The following TRPC4 variants were observed in gnomAD, a reference collection of about 807,000 sequenced individuals.
TRPC4 encodes short transient receptor potential channel 4.
TRPC4 carries 49 observed loss-of-function variants against 99.4 expected under a neutral mutation model. That is an observed-to-expected ratio of 0.49 (90% CI 0.39 to 0.63). The LOEUF (loss-of-function observed/expected upper bound fraction) is 0.63, where lower values mean the gene tolerates loss of function less well. Among genes scored for constraint, TRPC4 ranks in the 20% least tolerant of loss-of-function variants. The pLI, the probability that TRPC4 is intolerant of heterozygous loss-of-function variation, is 0.00. For missense variants in TRPC4, 898 were observed against 1,152.9 expected, an observed-to-expected ratio of 0.78 and a Z score of 3.20; for synonymous variants, 454 against 425.9, an observed-to-expected ratio of 1.07 and a Z score of -0.81.
At chr13:37,796,463 C>G (rs925784125) in intron 1 of TRPC4, among the ~76,000 whole-genome samples, 3 of 152,104 alleles carry the variant, frequency 2.0e-5, no homozygotes, top group Non-Finnish European at 4.4e-5. Context: ...TATTCTGTTA[C>G]TGAATGGCCA....
intron 2 of TRPC4, among the ~76,000 whole-genome samples, chr13:37,756,232 G>T (rs1228391569): frequency 1.3e-5 from 2 of 151,878 alleles, no homozygotes; most frequent in Non-Finnish European, 1.5e-5. Context: ...AAAGCAAGTG[G>T]TTGTCATATG....
At chr13:37,802,862 C>T (rs1566182086) in intron 1 of TRPC4, among the ~76,000 whole-genome samples, 1 of 152,036 alleles carries the variant, frequency 6.6e-6, no homozygotes, top group Non-Finnish European at 1.5e-5. Context: ...GGGATCTTGC[C>T]TGCAGCATTT....
chr13:37,857,628 C>A (rs1282441412), intron 1 of TRPC4, among the ~76,000 whole-genome samples: 1 of 151,508 alleles, frequency 6.6e-6, no homozygotes, highest in Non-Finnish European at 1.5e-5. Flanking sequence ...CCACAGTGAA[C>A]TAATTTCTAA....
chr13:37,814,203 AAC>A (rs1321379113), intron 1 of TRPC4, among the ~76,000 whole-genome samples: 1 of 151,816 alleles, frequency 6.6e-6, no homozygotes, highest in Non-Finnish European at 1.5e-5. Flanking sequence ...CATCTAGGAA[AAC>A]ACACAGCTAA....
chr13:37,868,768 C>T (rs1346132716), intron 1 of TRPC4, among the ~76,000 whole-genome samples: 2 of 152,048 alleles, frequency 1.3e-5, no homozygotes, highest in Admixed American at 6.6e-5. Context: ...TCTAAGAAGC[C>T]ATGTGAACAG....
At chr13:37,759,478 T>C (rs1593677194) in intron 2 of TRPC4, among the ~76,000 whole-genome samples, 1 of 151,588 alleles carries the variant, frequency 6.6e-6, no homozygotes, top group Non-Finnish European at 1.5e-5. Context: ...TAAACTACAA[T>C]AAAATGCATT....
At chr13:37,832,453 C>G (rs1410243994) in intron 1 of TRPC4, among the ~76,000 whole-genome samples, 1 of 152,052 alleles carries the variant, frequency 6.6e-6, no homozygotes, top group Non-Finnish European at 1.5e-5. Flanking sequence ...GCAGTAGAAT[C>G]TCTTGAACCC....
chr13:37,688,195 G>T (rs1953556593), intron 4 of TRPC4, among the ~76,000 whole-genome samples: 1 of 152,160 alleles, frequency 6.6e-6, no homozygotes, highest in African/African-American at 2.4e-5. Flanking sequence ...AAGCTTTGTT[G>T]GGCGGTGAGT....
intron 7 of TRPC4, among the ~76,000 whole-genome samples, chr13:37,654,527 A>T (rs1231347026): frequency 6.6e-6 from 1 of 152,190 alleles, no homozygotes; most frequent in Non-Finnish European, 1.5e-5. Context: ...TAAATAAATA[A>T]CTTGTGCTAC....
chr13:37,710,358 T>C (rs1296857962), intron 3 of TRPC4, among the ~76,000 whole-genome samples: 3 of 151,896 alleles, frequency 2.0e-5, no homozygotes, highest in African/African-American at 7.2e-5. Flanking sequence ...ATAAAGTAAA[T>C]AGAGGAATGC....
At chr13:37,648,116 T>C (rs1951906106) in intron 8 of TRPC4, among the ~76,000 whole-genome samples, 1 of 152,068 alleles carries the variant, frequency 6.6e-6, no homozygotes, top group South Asian at 2.1e-4. Flanking sequence ...CTAATTTTTG[T>C]ATTTTTGGTA....
intron 1 of TRPC4, among the ~76,000 whole-genome samples, chr13:37,790,475 A>C (rs1957088972): frequency 6.6e-6 from 1 of 152,298 alleles, no homozygotes; most frequent in South Asian, 2.1e-4. Context: ...AAGATTGTAA[A>C]CCAATAACCA....
chr13:37,768,023 A>G (rs1956432767), intron 2 of TRPC4, among the ~76,000 whole-genome samples: 2 of 151,524 alleles, frequency 1.3e-5, no homozygotes, highest in Admixed American at 1.3e-4. Flanking sequence ...AGAGCTAATA[A>G]GAGTTTTATT....
chr13:37,723,965 A>G (rs1279056666), intron 3 of TRPC4, among the ~76,000 whole-genome samples: 1 of 152,192 alleles, frequency 6.6e-6, no homozygotes, highest in Admixed American at 6.6e-5. Context: ...ACTGGCTTAT[A>G]AATGCAAAGA....
At chr13:37,656,023 T>A (rs1952222122) in intron 6 of TRPC4, among the ~76,000 whole-genome samples, 1 of 152,114 alleles carries the variant, frequency 6.6e-6, no homozygotes, top group Non-Finnish European at 1.5e-5. Context: ...TGGTAAAGAG[T>A]CTCAGAATGC....
Position 37,654,285 on chromosome 13 carries a change from C to T in TRPC4, c.1884+803G>A, listed in dbSNP as rs150954206. ...GAAGAAAATGGGAAAACTATAATTA[C>T]GATTATAAAATGCTACTTGTCTAAG... On this transcript the variant is annotated intron_variant, in intron 7 of 10. Transcript: ENST00000379705. Among the ~76,000 whole-genome samples the T allele has an allele frequency of 3.2e-3, 481 of 152,086 alleles. 3 individuals carry two copies. Among genetic ancestry groups the T allele is most frequent in the African/African-American group, 0.011 (464 of 41,480 alleles).
At chr13:37,785,941 A>G (rs78393719) in intron 1 of TRPC4, among the ~76,000 whole-genome samples, 2,127 of 152,150 alleles carry the variant, frequency 0.014, 63 homozygotes, top group East Asian at 0.12. Flanking sequence ...TCATTTTAAA[A>G]AGAGTTACAC....
chr13:37,712,786 G>A lies in TRPC4; in HGVS notation c.898-20451C>T, dbSNP rs115466013. ...AGAGGCTGAAATAGATGTCAGGGGG[G>A]CCAAAGATACAACCTGCATATTAGC... On this transcript the variant is annotated intron_variant, in intron 3 of 10. Coordinates refer to ENST00000379705, the MANE Select transcript of TRPC4 (RefSeq NM_016179.4). 9.2e-3 allele frequency among the ~76,000 whole-genome samples: 1,405 copies of A among 152,168 alleles called. 33 individuals carry two copies. The highest frequency in any genetic ancestry group is 0.033 in the African/African-American group (1,350 of 41,520).
intron 1 of TRPC4, among the ~76,000 whole-genome samples, chr13:37,787,546 A>G (rs990748558): frequency 3.3e-5 from 5 of 152,088 alleles, no homozygotes; most frequent in Non-Finnish European, 5.9e-5. Flanking sequence ...GCAAGAAACA[A>G]TACATACGTT....
Sources: allele counts gnomAD v4.1 joint callset (sites outside exome capture counted in the v4.1 genomes callset), GRCh38; gene constraint gnomAD v4.1.1; transcripts MANE v1.5; gene names NCBI Gene and HGNC (gene_info 2026-07-23, HGNC 2026-07-21).